The following GRIN3A variants were observed in gnomAD, a reference collection of about 807,000 sequenced individuals.
GRIN3A encodes glutamate receptor ionotropic, NMDA 3A.
Under a neutral mutation model 92.4 loss-of-function variants are expected in GRIN3A, and 47 were observed. The observed-to-expected ratio is 0.51, with a 90% CI of 0.40 to 0.65. The LOEUF (loss-of-function observed/expected upper bound fraction) is 0.65. GRIN3A is among the 30% of genes least tolerant of loss of function. The pLI is 0.00. For missense variants in GRIN3A, 1,324 were observed against 1,393.1 expected (o/e 0.95, Z 0.79); for synonymous variants, 527 against 540.6 (o/e 0.97, Z 0.35).
chr9:101,727,136 A>G (rs1830090117), intron 1 of GRIN3A, among the ~76,000 whole-genome samples: 1 of 152,178 alleles, frequency 6.6e-6, no homozygotes, highest in Non-Finnish European at 1.5e-5. Flanking sequence ...TTCTTTTTTA[A>G]TGGAAGCAAA....
intron 1 of GRIN3A, among the ~76,000 whole-genome samples, chr9:101,718,737 G>T (rs1304633959): frequency 6.6e-6 from 1 of 152,106 alleles, no homozygotes; most frequent in African/African-American, 2.4e-5. Context: ...GCCTCAGTTT[G>T]GTGTCAGCGT....
chr9:101,683,500 G>A (rs1404531288), intron 2 of GRIN3A, among the ~76,000 whole-genome samples: 2 of 152,152 alleles, frequency 1.3e-5, no homozygotes, highest in African/African-American at 4.8e-5. Context: ...ATCCACAGAT[G>A]TTTTATGGCT....
intron 1 of GRIN3A, among the ~76,000 whole-genome samples, chr9:101,690,948 A>T (rs2118985582): frequency 6.6e-6 from 1 of 152,290 alleles, no homozygotes; most frequent in African/African-American, 2.4e-5. Context: ...AAGAGCTAAA[A>T]GTACAATATC....
At chr9:101,667,164 T>C (rs1463209383) in intron 3 of GRIN3A, among the ~76,000 whole-genome samples, 1 of 151,994 alleles carries the variant, frequency 6.6e-6, no homozygotes, top group Non-Finnish European at 1.5e-5. Context: ...TTATACTTCG[T>C]ATTACCTATA....
chr9:101,643,536 C>T (rs1296291443), intron 3 of GRIN3A, among the ~76,000 whole-genome samples: 1 of 151,930 alleles, frequency 6.6e-6, no homozygotes, highest in Non-Finnish European at 1.5e-5. Context: ...TGATCCATCA[C>T]TTCCACTCCT....
At chr9:101,636,057 G>T (rs1828780406) in intron 3 of GRIN3A, among the ~76,000 whole-genome samples, 1 of 152,194 alleles carries the variant, frequency 6.6e-6, no homozygotes, top group South Asian at 2.1e-4. Context: ...GTGTGTGTGT[G>T]TTTTTAGAAG....
chr9:101,653,720 A>G (rs561356085), intron 3 of GRIN3A, among the ~76,000 whole-genome samples: 9 of 151,736 alleles, frequency 5.9e-5, no homozygotes, highest in Non-Finnish European at 1.0e-4. Flanking sequence ...CTTTGTTTTC[A>G]CCTTCCACTT....
chr9:101,603,326 C>T (rs180762984), intron 6 of GRIN3A, among the ~76,000 whole-genome samples: 3 of 152,138 alleles, frequency 2.0e-5, no homozygotes, highest in East Asian at 1.9e-4. Context: ...ATTTTTTCTG[C>T]GTGCATGGTT....
At chr9:101,622,697 A>T (rs1828574238) in intron 5 of GRIN3A, among the ~76,000 whole-genome samples, 1 of 152,150 alleles carries the variant, frequency 6.6e-6, no homozygotes, top group African/African-American at 2.4e-5. Context: ...TTTAAGAACC[A>T]GGAGCTTTAG....
chr9:101,704,652 A>G (rs1829791486), intron 1 of GRIN3A, among the ~76,000 whole-genome samples: 2 of 152,230 alleles, frequency 1.3e-5, no homozygotes, highest in African/African-American at 4.8e-5. Flanking sequence ...CCACACGATC[A>G]GGAGGGTAAA....
At chr9:101,573,738 G>A (rs942139) in intron 8 of GRIN3A, among the ~76,000 whole-genome samples, 72,563 of 146,840 alleles carry the variant, frequency 0.49, 17,912 homozygotes, top group East Asian at 0.67. Flanking sequence ...GGAATTGGGT[G>A]TCATTTGAAG....
chr9:101,593,997 C>T (rs931701735), intron 6 of GRIN3A: 1 of 162,290 alleles, frequency 6.2e-6, no homozygotes, highest in African/African-American at 2.4e-5. Flanking sequence ...TATCTGAACA[C>T]AAGCAAATGA....
intron 3 of GRIN3A, among the ~76,000 whole-genome samples, chr9:101,649,150 A>G (rs1564135137): frequency 6.6e-6 from 1 of 152,076 alleles, no homozygotes; most frequent in Non-Finnish European, 1.5e-5. Context: ...ATTGTTTCAC[A>G]GTCCGGTAAA....
rs1829546428 is a variant in GRIN3A, at chr9:101,686,956, A to C, written c.944T>G (p.Leu315Arg). 4 of 1,614,184 alleles carry C rather than the reference A, an allele frequency of 2.5e-6. No individual in the cohort carries two copies. In the African/African-American group the frequency reaches 4.0e-5, roughly 16 times the overall value. ...QDLLSFLQIQ[L>R]ESIKNSTPTV... ...GGGTGTGCTGTTCTTAATACTCTCA[A>C]GCTGGATCTGTAGGAAGCTCAAGAG... Residue 315 changes from leucine (L) to arginine (R), a missense_variant, in exon 2 of 9, where the codon CTT becomes CGT. Transcript: ENST00000361820.
At chr9:101,639,875 A>G (rs1828833498) in intron 3 of GRIN3A, among the ~76,000 whole-genome samples, 1 of 152,206 alleles carries the variant, frequency 6.6e-6, no homozygotes, top group African/African-American at 2.4e-5. Context: ...AAACAGAAAG[A>G]TAAACTACTG....
chr9:101,663,088 C>A (rs904136378), intron 3 of GRIN3A, among the ~76,000 whole-genome samples: 1 of 151,844 alleles, frequency 6.6e-6, no homozygotes, highest in African/African-American at 2.4e-5. Flanking sequence ...GAGACAGTTG[C>A]ACTCCCCTCT....
At chr9:101,711,213 G>A (rs1318254944) in intron 1 of GRIN3A, among the ~76,000 whole-genome samples, 1 of 152,136 alleles carries the variant, frequency 6.6e-6, no homozygotes, top group Non-Finnish European at 1.5e-5. Flanking sequence ...ATCTGCTTTG[G>A]GAGATCCTGG....
chr9:101,734,912 G>C (rs1419797087), intron 1 of GRIN3A, among the ~76,000 whole-genome samples: 1 of 151,892 alleles, frequency 6.6e-6, no homozygotes, highest in Non-Finnish European at 1.5e-5. Context: ...ATGGTGGCTA[G>C]ATTAAGTCAA....
At position 101,699,377 on chromosome 9, in the gene GRIN3A, T is replaced by TA. The variant is rs536083141; in HGVS notation, c.700-12178dup. Among the ~76,000 whole-genome samples, 37 of 152,012 alleles carry TA rather than the reference T, an allele frequency of 2.4e-4. No individual in the cohort carries two copies. The South Asian group carries it at 7.7e-3, about 32-fold the overall frequency. On this transcript the variant is annotated intron_variant, in intron 1 of 8. Coordinates refer to ENST00000361820, the MANE Select transcript of GRIN3A (RefSeq NM_133445.3). ...GCCTGAGGTTGTTTCACAATTAACT[T>TA]AAAAAAAATAAGTAGAAGGAATAAC...
Sources: gnomAD v4.1 joint callset for allele counts (sites outside exome capture counted in the v4.1 genomes callset) on GRCh38, gnomAD v4.1.1 for gene constraint, MANE v1.5 for transcripts, NCBI Gene and HGNC (gene_info 2026-07-23, HGNC 2026-07-21) for gene names.